Variants in ZBTB20 observed in about 807,000 individuals in gnomAD.
ZBTB20 encodes the protein zinc finger and BTB domain-containing protein 20.
A neutral mutation model predicts 56.9 loss-of-function variants in ZBTB20; 9 were observed. That is an observed-to-expected ratio of 0.16 (90% CI 0.10 to 0.28). ZBTB20 has a LOEUF of 0.28. Among genes scored for constraint, ZBTB20 ranks in the 10% least tolerant of loss-of-function variants. ZBTB20 has a pLI of 1.00. For missense variants in ZBTB20, 655 were observed against 1,003.0 expected (o/e 0.65, Z 4.69); for synonymous variants, 417 against 420.7 (o/e 0.99, Z 0.11).
At chr3:114,674,653 G>C (rs1312314739) in intron 6 of ZBTB20, among the ~76,000 whole-genome samples, 1 of 152,068 alleles carries the variant, frequency 6.6e-6, no homozygotes, top group Admixed American at 6.6e-5. Flanking sequence ...GCTTTAACCT[G>C]TCTATGTGGA....
intron 3 of ZBTB20, among the ~76,000 whole-genome samples, chr3:114,948,296 A>G (rs1373608240): frequency 1.4e-5 from 2 of 145,632 alleles, no homozygotes; most frequent in African/African-American, 2.8e-5. Context: ...CAGCAAACTC[A>G]CGAATTGAAG....
At chr3:114,795,513 T>C (rs866790317) in intron 5 of ZBTB20, among the ~76,000 whole-genome samples, 8 of 152,086 alleles carry the variant, frequency 5.3e-5, no homozygotes, top group Admixed American at 3.3e-4. Flanking sequence ...ATTTTGTATA[T>C]GCAGTTTCTG....
chr3:114,539,902 CCT>C (rs1491302619), intron 6 of ZBTB20, among the ~76,000 whole-genome samples: 2 of 121,888 alleles, frequency 1.6e-5, no homozygotes, highest in Non-Finnish European at 3.7e-5. Flanking sequence ...TTTCAACCCA[CCT>C]TTTTTTTTTT....
intron 7 of ZBTB20, among the ~76,000 whole-genome samples, chr3:114,429,984 A>G (rs564072849): frequency 6.6e-6 from 1 of 151,786 alleles, no homozygotes; most frequent in East Asian, 1.9e-4. Context: ...TTGGATATCA[A>G]GGGATGACTG....
intron 6 of ZBTB20, among the ~76,000 whole-genome samples, chr3:114,506,598 T>C (rs2044641268): frequency 6.6e-6 from 1 of 152,154 alleles, no homozygotes; most frequent in Non-Finnish European, 1.5e-5. Flanking sequence ...AAGAACTTTC[T>C]CTTCTATATC....
At chr3:114,364,830 T>G (rs578122881) in intron 10 of ZBTB20, among the ~76,000 whole-genome samples, 11 of 152,336 alleles carry the variant, frequency 7.2e-5, no homozygotes, top group Admixed American at 2.6e-4. Context: ...GCCCCAAAGA[T>G]ACATATCGGC....
In ZBTB20 at chr3:114,317,000, C is replaced by T. The variant is rs1231283027; in HGVS notation, c.*22005G>A. Reference sequence around the variant, plus strand: ...TTGACTATAATGGACTTGTGCAGTTCCTGTTGGCCTCGGCTAAGAGATGCC... The same window carrying T: ...TTGACTATAATGGACTTGTGCAGTTTCTGTTGGCCTCGGCTAAGAGATGCC... On this transcript the variant is annotated 3_prime_UTR_variant, in exon 12 of 12. Coordinates refer to ENST00000675478, the MANE Select transcript of ZBTB20 (RefSeq NM_001348800.3). 1 of 168,180 alleles carries T rather than the reference C, an allele frequency of 5.9e-6. No homozygotes were observed. Among genetic ancestry groups the T allele is most frequent in the Non-Finnish European group, 1.3e-5 (1 of 77,242 alleles). 10.4% of individuals were successfully genotyped at this position (168,180 alleles called of 1,614,324 possible). A position where few individuals can be genotyped will look rare whatever the true frequency, so the allele number is the denominator to read the frequency against.
intron 6 of ZBTB20, among the ~76,000 whole-genome samples, chr3:114,523,614 G>C (rs1160457748): frequency 1.3e-5 from 2 of 152,166 alleles, no homozygotes; most frequent in Non-Finnish European, 2.9e-5. Flanking sequence ...AATGAGGGAT[G>C]GGCTGAGCCA....
chr3:114,351,222 T>C lies in ZBTB20; in HGVS notation c.856A>G (p.Ser286Gly), dbSNP rs2080638328. 2.5e-6 allele frequency: 4 copies of C among 1,601,670 alleles called. No individual in the cohort carries two copies. In the East Asian group the frequency reaches 8.9e-5, roughly 36 times the overall value. Residue 286 changes from serine (S) to glycine (G), a missense_variant, in exon 11 of 12, where the codon AGC (serine) becomes GGC (glycine). This residue lies in a region of ZBTB20 where 167 missense variants were observed against 281.9 expected (regional missense o/e 0.59). Transcript: ENST00000675478. ...LPRDHHMEDP[S>G]WITRIHERSQ... ...CGCTCATGGATGCGTGTGATCCAGC[T>C]GGGGTCTTCCATGTGGTGGTCGCGG...
intron 4 of ZBTB20, among the ~76,000 whole-genome samples, chr3:114,895,731 G>A (rs2074849863): frequency 6.6e-6 from 1 of 152,028 alleles, no homozygotes; most frequent in Non-Finnish European, 1.5e-5. Flanking sequence ...AGACTACTAT[G>A]CAATAATACA....
In ZBTB20 at chr3:114,331,706, C is replaced by G. The variant is rs1265784380; in HGVS notation, c.*7299G>C. 1 of 152,186 alleles carries G rather than the reference C, an allele frequency of 6.6e-6. No homozygotes were observed. Among genetic ancestry groups the G allele is most frequent in the Non-Finnish European group, 1.5e-5 (1 of 68,034 alleles). 9.4% of individuals were successfully genotyped at this position (152,186 alleles called of 1,614,324 possible). ...ATAGAAATTACTGATGGTTGGGCTC[C>G]TTCAGAATGCCCTAAAGTCTCATCA... On this transcript the variant is annotated 3_prime_UTR_variant, in exon 12 of 12. Transcript: ENST00000675478.
At chr3:115,107,417 C>CAA (rs59267707) in intron 1 of ZBTB20, among the ~76,000 whole-genome samples, 3 of 112,812 alleles carry the variant, frequency 2.7e-5, no homozygotes, top group Non-Finnish European at 4.0e-5. Flanking sequence ...GAGACTGTGT[C>CAA]AAAAAAAAAA....
intron 2 of ZBTB20, among the ~76,000 whole-genome samples, chr3:115,067,083 A>G (rs1240353916): frequency 2.0e-5 from 3 of 152,068 alleles, no homozygotes; most frequent in Admixed American, 6.6e-5. Flanking sequence ...ATCATGTGAA[A>G]TAATTAAGGA....
rs145928902 is a variant in ZBTB20, at chr3:114,827,876, G to A, written c.-416-26702C>T. ...ATATCTCCAGCAGACCCTGGGCCTG[G>A]TTTTTTATTTTCCTGTGTAATTTCC... On this transcript the variant is annotated intron_variant, in intron 4 of 11. Coordinates refer to ENST00000675478, the MANE Select transcript of ZBTB20 (RefSeq NM_001348800.3). 3.3e-5 allele frequency among the ~76,000 whole-genome samples: 5 copies of A among 151,618 alleles called. No individual in the cohort carries two copies. The East Asian group carries it at 9.7e-4, about 29-fold the overall frequency.
chr3:114,699,521 G>C (rs2063261294), intron 5 of ZBTB20, among the ~76,000 whole-genome samples: 1 of 151,840 alleles, frequency 6.6e-6, no homozygotes, highest in Admixed American at 6.6e-5. Context: ...AAGACCTTTA[G>C]AAAAAGAATT....
At chr3:115,100,042 G>T (rs1027132880) in intron 1 of ZBTB20, 4 of 152,004 alleles carry the variant, frequency 2.6e-5, no homozygotes, top group African/African-American at 9.7e-5. Flanking sequence ...GCTAGCACTA[G>T]CTCTGTCAAA....
At chr3:114,707,635 G>A (rs1312626497) in intron 5 of ZBTB20, among the ~76,000 whole-genome samples, 2 of 151,464 alleles carry the variant, frequency 1.3e-5, no homozygotes, top group African/African-American at 4.8e-5. Flanking sequence ...TCCCCTGGAG[G>A]GGACACAGTG....
intron 4 of ZBTB20, among the ~76,000 whole-genome samples, chr3:114,861,325 C>A (rs772515168): frequency 6.6e-6 from 1 of 152,096 alleles, no homozygotes; most frequent in Non-Finnish European, 1.5e-5. Context: ...GAACCAAATA[C>A]TTTGTCTTAT....
intron 7 of ZBTB20, chr3:114,419,093 A>G (rs2088874681): frequency 6.6e-6 from 1 of 152,128 alleles, no homozygotes; most frequent in Admixed American, 6.6e-5. Flanking sequence ...CGCACACGGT[A>G]TTCATTTCTG....
Sources: allele counts gnomAD v4.1 joint callset (sites outside exome capture counted in the v4.1 genomes callset), GRCh38; gene constraint gnomAD v4.1.1; regional missense constraint gnomAD v4.1.1; transcripts MANE v1.5; gene names NCBI Gene and HGNC (gene_info 2026-07-23, HGNC 2026-07-21).